The following OLFM4 variants were observed in gnomAD, a reference collection of about 807,000 sequenced individuals.
OLFM4 encodes olfactomedin 4, also known as olfactomedin-4.
OLFM4 carries 22 observed loss-of-function variants against 25.5 expected under a neutral mutation model. That is an observed-to-expected ratio of 0.86 (90% CI 0.62 to 1.23). The LOEUF (loss-of-function observed/expected upper bound fraction) is 1.23. OLFM4 is among the 50% of genes most tolerant of loss of function. The pLI is 0.00. For missense variants in OLFM4, 594 were observed against 619.4 expected, an observed-to-expected ratio of 0.96 and a Z score of 0.44; for synonymous variants, 255 against 237.7, an observed-to-expected ratio of 1.07 and a Z score of -0.67.
chr13:53,034,370 C>T lies in OLFM4; in HGVS notation c.227C>T (p.Ser76Phe). 1 of 1,613,244 alleles carries T rather than the reference C, an allele frequency of 6.2e-7. No homozygotes were observed. The highest frequency in any genetic ancestry group is 8.5e-7 in the Non-Finnish European group (1 of 1,179,820). The change falls in exon 2 of 5, where the codon TCC (serine) becomes TTC (phenylalanine). Residue 76 changes from serine to phenylalanine, a missense_variant. Transcript: ENST00000219022. The part of the protein sequence containing the change: ...VSQLFSNFTG[S>F]VDDRGTCQCS... ...CAGTTGTTTTCCAATTTCACCGGCT[C>T]CGTGGATGACCGTGGGACCTGCCAG...
chr13:53,039,242 C>A (rs1954675318), intron 2 of OLFM4, among the ~76,000 whole-genome samples: 1 of 152,214 alleles, frequency 6.6e-6, no homozygotes, highest in South Asian at 2.1e-4. Flanking sequence ...TGCCAACAAG[C>A]ATATTTATTT....
intron 4 of OLFM4, among the ~76,000 whole-genome samples, chr13:53,048,175 C>T (rs1286248974): frequency 6.6e-6 from 1 of 152,146 alleles, no homozygotes; most frequent in Non-Finnish European, 1.5e-5. Flanking sequence ...AAGCATTCAT[C>T]TGAGAGATCA....
intron 4 of OLFM4, 92 bp downstream of exon 4, chr13:53,043,356 A>C: frequency 1.0e-6 from 1 of 971,692 alleles, no homozygotes; most frequent in Non-Finnish European, 1.4e-6. Context: ...CAATGGTGAA[A>C]GAAGAAGGTG....
At chr13:53,043,697 A>G (rs887087270) in intron 4 of OLFM4, among the ~76,000 whole-genome samples, 2 of 148,864 alleles carry the variant, frequency 1.3e-5, no homozygotes, top group African/African-American at 2.6e-5. Flanking sequence ...TGATGCTGCC[A>G]TCTTCTCTCT....
intron 2 of OLFM4, among the ~76,000 whole-genome samples, chr13:53,036,481 C>T (rs1358436153): frequency 2.0e-5 from 3 of 152,098 alleles, no homozygotes; most frequent in Non-Finnish European, 4.4e-5. Flanking sequence ...TGTGGCTTGC[C>T]AGGTTTGTGA....
At chr13:53,043,389 T>C in intron 4 of OLFM4, 125 bp downstream of exon 4, 2 of 692,954 alleles carry the variant, frequency 2.9e-6, no homozygotes, top group Non-Finnish European at 4.3e-6. Flanking sequence ...TTTTTTTTTT[T>C]CAGTTCTCAG....
chr13:53,034,222 T>C, intron 1 of OLFM4, 126 bp from the exon 2 acceptor site: 1 of 823,978 alleles, frequency 1.2e-6, no homozygotes, highest in Non-Finnish European at 1.9e-6. Flanking sequence ...ATGATTCTAT[T>C]CATTTATGTA....
chr13:53,049,990 TG>T lies in OLFM4; in HGVS notation c.754del (p.Val252Ter). 1.2e-6 allele frequency: 2 copies of T among 1,608,814 alleles called. No individual in the cohort carries two copies. The highest frequency in any genetic ancestry group is 2.7e-5 in the African/African-American group (2 of 74,906). ...PTPGSCGHGG[V>X]VNISKPSVVQ... is the part of the protein sequence containing the mutation. ...ATAGGGAGCTGTGGTCATGGTGGTG[TG>T]GTGAACATCAGCAAACCGTCTGTGG... is the stretch of plus-strand genomic sequence containing the variant. On this transcript the variant is annotated frameshift_variant, in exon 5 of 5. Transcript: ENST00000219022. LOFTEE classifies it low-confidence loss of function (END_TRUNC).
In OLFM4 at chr13:53,043,564, T is replaced by C. The variant is rs183958225; in HGVS notation, c.730+300T>C. ...TTCTAACAGGGAACAAAAATCTCTATGGTGATGGAGGCCCTATCAGGGGCC... is the reference window on the plus strand; with the variant it reads ...TTCTAACAGGGAACAAAAATCTCTACGGTGATGGAGGCCCTATCAGGGGCC... On this transcript the variant is annotated intron_variant, in intron 4 of 4. Transcript: ENST00000219022. 2.0e-4 allele frequency among the ~76,000 whole-genome samples: 30 copies of C among 152,156 alleles called. No homozygotes were observed. In the East Asian group the frequency reaches 4.8e-3, roughly 25 times the overall value.
At position 53,046,756 on chromosome 13, in the gene OLFM4, T is replaced by C. The variant is rs1326949713; in HGVS notation, c.731-3213T>C. Reference sequence around the variant, plus strand: ...CCATTTACTGAGTAACATTTACATGTCTTCTCTGTATTTTTCGTAACTATT... The same window carrying C: ...CCATTTACTGAGTAACATTTACATGCCTTCTCTGTATTTTTCGTAACTATT... On this transcript the variant is annotated intron_variant, in intron 4 of 4. Coordinates refer to ENST00000219022, the MANE Select transcript of OLFM4 (RefSeq NM_006418.5). Among the ~76,000 whole-genome samples the C allele has an allele frequency of 3.3e-5, 5 of 152,326 alleles. No homozygotes were observed. The East Asian group carries it at 9.6e-4, about 29-fold the overall frequency.
In OLFM4 at chr13:53,050,675, G is replaced by C; in HGVS notation, c.1437G>C (p.Gln479His). ...TGCATAAGATGCAGGAAAAAGTGCA[G>C]AGCATTAACTATAACCCTTTTGACC... ...IVMHKMQEKV[Q>H]SINYNPFDQK... Residue 479 changes from glutamine (Q) to histidine (H), a missense_variant, in exon 5 of 5, where the codon CAG becomes CAC. Physicochemically the swap from Gln to His is conservative, Grantham distance 24 (BLOSUM62 0). Transcript: ENST00000219022. 1 of 1,613,892 alleles carries C rather than the reference G, an allele frequency of 6.2e-7. No individual in the cohort carries two copies.
chr13:53,041,823 TAGTTCTCAACTCAAG>T lies in OLFM4; in HGVS notation c.358-86_358-72del, dbSNP rs565940172. ...AACACAATGATTGGCAAGAATCAAA[TAGTTCTCAACTCAAG>T]GGCTCGGTAGTGGAAGAAGATGGTG... On this transcript the variant is annotated intron_variant, in intron 2 of 4. Coordinates refer to ENST00000219022, the MANE Select transcript of OLFM4 (RefSeq NM_006418.5). The T allele has an allele frequency of 3.9e-5, 32 of 812,808 alleles. 1 individual carries two copies. The East Asian group carries it at 7.0e-4, about 18-fold the overall frequency. 50.3% of individuals were successfully genotyped at this position (812,808 alleles called of 1,614,324 possible).
chr13:53,034,526 T>A (rs1954647743), intron 2 of OLFM4, 26 bp downstream of exon 2: 1 of 1,582,698 alleles, frequency 6.3e-7, no homozygotes, highest in African/African-American at 1.4e-5. Flanking sequence ...TCAAACAATA[T>A]CTTGATAAAG....
chr13:53,041,021 G>C (rs1954684054), intron 2 of OLFM4, among the ~76,000 whole-genome samples: 1 of 152,178 alleles, frequency 6.6e-6, no homozygotes, highest in Non-Finnish European at 1.5e-5. Context: ...TTTATACACT[G>C]TTGGTGGGAG....
rs149259735 is a variant in OLFM4 at position 53,028,851 on chromosome 13, C to A, written c.15C>A (p.Leu5=). MRPG[L]SFLLALLFFL... ...AAGAGGACAAGATGAGGCCCGGCCT[C>A]TCATTTCTCCTAGCCCTTCTGTTCT... Residue 5 remains leucine, a synonymous_variant, in exon 1 of 5, where the codon CTC becomes CTA. Coordinates refer to ENST00000219022, the MANE Select transcript of OLFM4 (RefSeq NM_006418.5). The A allele has an allele frequency of 6.2e-7, 1 of 1,614,246 alleles. No homozygotes were observed. Among genetic ancestry groups the A allele is most frequent in the South Asian group, 1.1e-5 (1 of 91,086 alleles).
At chr13:53,042,205 A>T in intron 3 of OLFM4, 83 bp downstream of exon 3, 2 of 1,151,570 alleles carry the variant, frequency 1.7e-6, no homozygotes, top group African/African-American at 1.5e-5. Context: ...CAGGAAGTGA[A>T]ACTATCTCTT....
chr13:53,048,367 G>T (rs757646869), intron 4 of OLFM4, among the ~76,000 whole-genome samples: 1 of 152,116 alleles, frequency 6.6e-6, no homozygotes, highest in Non-Finnish European at 1.5e-5. Context: ...ATACAGAGTG[G>T]TTTCATTTCT....
intron 4 of OLFM4, among the ~76,000 whole-genome samples, chr13:53,046,941 A>T (rs544290771): frequency 1.3e-4 from 20 of 152,176 alleles, no homozygotes; most frequent in Non-Finnish European, 2.5e-4. Context: ...TAGCTGCTCT[A>T]ACAGAGAGGT....
chr13:53,048,049 T>C (rs2138242326), intron 4 of OLFM4, among the ~76,000 whole-genome samples: 1 of 152,324 alleles, frequency 6.6e-6, no homozygotes, highest in South Asian at 2.1e-4. Flanking sequence ...ATACTTTAGC[T>C]AGAAAATCCA....
Sources: allele counts gnomAD v4.1 joint callset (sites outside exome capture counted in the v4.1 genomes callset), GRCh38; gene constraint gnomAD v4.1.1; transcripts MANE v1.5; gene names NCBI Gene and HGNC (gene_info 2026-07-23, HGNC 2026-07-21).